NRDE2: variants seen among roughly 807,000 people sequenced by gnomAD.
NRDE2 encodes NRDE-2, necessary for RNA interference, domain containing.
NRDE2 carries 76 observed loss-of-function variants against 124.2 expected under a neutral mutation model. That is an observed-to-expected ratio of 0.61 (90% confidence interval 0.51 to 0.74). NRDE2 has a LOEUF of 0.74. NRDE2 is among the 30% of genes least tolerant of loss of function. NRDE2 has a pLI of 0.00. For missense variants in NRDE2, 1,314 were observed against 1,417.3 expected (o/e 0.93, Z 1.17); for synonymous variants, 489 against 528.1 (o/e 0.93, Z 1.01).
rs371108802 is a variant in NRDE2, at chr14:90,301,471, T to C, written c.1412-99A>G. The C allele has an allele frequency of 5.4e-5, 57 of 1,049,926 alleles. 1 individual carries two copies. The highest frequency in any genetic ancestry group is 4.7e-4 in the East Asian group (18 of 38,532). 65.0% of individuals were successfully genotyped at this position (1,049,926 alleles called of 1,614,324 possible). A position where few individuals can be genotyped will look rare whatever the true frequency, so the allele number is the denominator to read the frequency against. ...AGGCAATTAACACATTGAGAACACCTTTCACCTGCAATCACTATTAATTTA... is the reference window on the plus strand; with the variant it reads ...AGGCAATTAACACATTGAGAACACCCTTCACCTGCAATCACTATTAATTTA... On this transcript the variant is annotated intron_variant, in intron 6 of 13. Transcript: ENST00000354366.
At chr14:90,317,119 A>G (rs1014827348) in intron 2 of NRDE2, among the ~76,000 whole-genome samples, 1 of 152,160 alleles carries the variant, frequency 6.6e-6, no homozygotes, top group Non-Finnish European at 1.5e-5. Flanking sequence ...TTAAGACATT[A>G]TTAAAGGTTG....
chr14:90,291,011 A>G (rs1892259349), intron 9 of NRDE2, among the ~76,000 whole-genome samples: 1 of 152,250 alleles, frequency 6.6e-6, no homozygotes, highest in Non-Finnish European at 1.5e-5. Flanking sequence ...GTAAGATGGA[A>G]GATAAGAACT....
intron 8 of NRDE2, among the ~76,000 whole-genome samples, chr14:90,295,790 T>C (rs577896435): frequency 1.3e-5 from 2 of 152,238 alleles, no homozygotes; most frequent in South Asian, 4.1e-4. Context: ...ATCAAGAAAA[T>C]TTTCAGCCTT....
intron 4 of NRDE2, 90 bp downstream of exon 4, chr14:90,312,304 G>A: frequency 8.0e-7 from 1 of 1,245,448 alleles, no homozygotes; most frequent in Non-Finnish European, 1.1e-6. Flanking sequence ...ATGAAAGAGA[G>A]AAACAGGCAG....
intron 1 of NRDE2, among the ~76,000 whole-genome samples, chr14:90,325,205 T>G (rs1275428360): frequency 6.6e-6 from 1 of 152,200 alleles, no homozygotes; most frequent in Non-Finnish European, 1.5e-5. Context: ...AAAGATAATG[T>G]GTTTAGTTTC....
Position 90,283,245 on chromosome 14 carries a change from T to C in NRDE2, c.3297+3109A>G, listed in dbSNP as rs74595063. ...TGCTCTAATTAGTCCTTAGTTCCAA[T>C]ACTACCTTTCCAAAAAGAGAGAAAT... On this transcript the variant is annotated intron_variant, in intron 12 of 13. Coordinates refer to ENST00000354366, the MANE Select transcript of NRDE2 (RefSeq NM_017970.4). 7.8e-3 allele frequency among the ~76,000 whole-genome samples: 1,188 copies of C among 152,334 alleles called. 24 individuals carry two copies. Among genetic ancestry groups the C allele is most frequent in the African/African-American group, 0.028 (1,149 of 41,568 alleles).
At chr14:90,299,535 A>T (rs950690840) in intron 7 of NRDE2, among the ~76,000 whole-genome samples, 1 of 152,142 alleles carries the variant, frequency 6.6e-6, no homozygotes, top group Admixed American at 6.5e-5. Context: ...CCAATAACCT[A>T]CTCAGTGAAA....
In NRDE2 at chr14:90,286,399, A is replaced by G. The variant is rs779179256; in HGVS notation, c.3252T>C (p.Ser1084=). ...ALFENAMRSD[S]GSQCPLLWRM... is the part of the protein sequence containing the mutation. Reference sequence around the variant, plus strand: ...TCCACAGCAAGGGGCACTGGCTGCCACTGTCGCTGCGCATGGCATTTTCAA... The same window carrying G: ...TCCACAGCAAGGGGCACTGGCTGCCGCTGTCGCTGCGCATGGCATTTTCAA... The change falls in exon 12 of 14, where the codon AGT becomes AGC. Residue 1084 remains serine, a synonymous_variant. Transcript: ENST00000354366. The G allele has an allele frequency of 1.9e-6, 3 of 1,614,088 alleles. No individual in the cohort carries two copies. The East Asian group carries it at 6.7e-5, about 36-fold the overall frequency.
Position 90,290,904 on chromosome 14 carries a change from G to C in NRDE2, c.1843-297C>G, listed in dbSNP as rs139173927. ...AAGCCAGAAGCTTTCAAAGTATCCT[G>C]ATGGATTTGTAGAAAATCTAGAAAC... is the stretch of plus-strand genomic sequence containing the variant. On this transcript the variant is annotated intron_variant, in intron 9 of 13. Transcript: ENST00000354366. Among the ~76,000 whole-genome samples, 34 of 152,324 alleles carry C rather than the reference G, an allele frequency of 2.2e-4. No homozygotes were observed. The East Asian group carries it at 6.2e-3, about 28-fold the overall frequency.
Position 90,278,193 on chromosome 14 carries a change from G to A in NRDE2, c.*143C>T. 1 of 919,574 alleles carries A rather than the reference G, an allele frequency of 1.1e-6. No homozygotes were observed. Among genetic ancestry groups the A allele is most frequent in the Non-Finnish European group, 1.6e-6 (1 of 611,420 alleles). 57.0% of individuals were successfully genotyped at this position (919,574 alleles called of 1,614,324 possible). ...CCAAAAAGTGTGCAAGATGTGAGAGGCTGGCAGCCCACATTATTACTATCG... is the reference window on the plus strand; with the variant it reads ...CCAAAAAGTGTGCAAGATGTGAGAGACTGGCAGCCCACATTATTACTATCG... On this transcript the variant is annotated 3_prime_UTR_variant, in exon 14 of 14. Coordinates refer to ENST00000354366, the MANE Select transcript of NRDE2 (RefSeq NM_017970.4).
intron 9 of NRDE2, 97 bp downstream of exon 9, chr14:90,292,600 C>T: frequency 7.4e-7 from 1 of 1,349,488 alleles, no homozygotes; most frequent in Non-Finnish European, 1.0e-6. Context: ...GCTAAGAGAG[C>T]TCCAGCGGCC....
At chr14:90,310,353 A>T (rs1289541855) in intron 4 of NRDE2, among the ~76,000 whole-genome samples, 1 of 152,194 alleles carries the variant, frequency 6.6e-6, no homozygotes, top group Non-Finnish European at 1.5e-5. Context: ...GATCTTGCGC[A>T]GTTACTTAAC....
Position 90,270,023 on chromosome 14 carries a change from G to A in NRDE2, c.*8313C>T. 1 of 636,074 alleles carries A rather than the reference G, an allele frequency of 1.6e-6. No individual in the cohort carries two copies. Among genetic ancestry groups the A allele is most frequent in the Non-Finnish European group, 2.6e-6 (1 of 384,058 alleles). 39.4% of individuals were successfully genotyped at this position (636,074 alleles called of 1,614,324 possible). A position where few individuals can be genotyped will look rare whatever the true frequency, so the allele number is the denominator to read the frequency against. On this transcript the variant is annotated 3_prime_UTR_variant, in exon 14 of 14. Coordinates refer to ENST00000354366, the MANE Select transcript of NRDE2 (RefSeq NM_017970.4). ...TCTTTTAAATGAAGAGAATTCAAAT[G>A]TAGAAATCTACAAACTACAAAAATA... is the stretch of plus-strand genomic sequence containing the variant.
At chr14:90,282,123 A>G (rs1891969338) in intron 12 of NRDE2, among the ~76,000 whole-genome samples, 1 of 152,230 alleles carries the variant, frequency 6.6e-6, no homozygotes, top group South Asian at 2.1e-4. Context: ...GTGTAGGTAG[A>G]TGACCAAATT....
intron 3 of NRDE2, among the ~76,000 whole-genome samples, chr14:90,314,935 A>C (rs892996614): frequency 6.6e-6 from 1 of 151,804 alleles, no homozygotes; most frequent in African/African-American, 2.4e-5. Flanking sequence ...TTTGGGAGGC[A>C]GAGGCGGGTG....
At position 90,326,846 on chromosome 14, in the gene NRDE2, T is replaced by G. The variant is rs904227043; in HGVS notation, c.64+4995A>C. Among the ~76,000 whole-genome samples, 5 of 152,120 alleles carry G rather than the reference T, an allele frequency of 3.3e-5. No individual in the cohort carries two copies. The East Asian group carries it at 9.6e-4, about 29-fold the overall frequency. Reference sequence around the variant, plus strand: ...TCAAACTCAGTAAATTGACCGCATATCCACTGTGGGCCATGTCCTTAAAAC... The same window carrying G: ...TCAAACTCAGTAAATTGACCGCATAGCCACTGTGGGCCATGTCCTTAAAAC... On this transcript the variant is annotated intron_variant, in intron 1 of 13. Coordinates refer to ENST00000354366, the MANE Select transcript of NRDE2 (RefSeq NM_017970.4).
chr14:90,297,934 C>A (rs1336177057), intron 8 of NRDE2, among the ~76,000 whole-genome samples: 3 of 75,442 alleles, frequency 4.0e-5, no homozygotes, highest in African/African-American at 1.4e-4. Flanking sequence ...GAGCGAGATT[C>A]TGTCTCAAAA....
intron 1 of NRDE2, among the ~76,000 whole-genome samples, chr14:90,326,367 G>T (rs1208492513): frequency 6.6e-6 from 1 of 151,896 alleles, no homozygotes; most frequent in South Asian, 2.1e-4. Context: ...GGTGGCGGGC[G>T]CCTGTAGTCC....
intron 1 of NRDE2, among the ~76,000 whole-genome samples, chr14:90,328,304 C>CAAAAAAAAA (rs60360850): frequency 1.1e-5 from 1 of 88,724 alleles, no homozygotes; most frequent in Non-Finnish European, 2.4e-5. Context: ...ACTCTGTCTC[C>CAAAAAAAAA]AAAAAAAAAA....
Sources: gnomAD v4.1 joint callset for allele counts (sites outside exome capture counted in the v4.1 genomes callset) on GRCh38, gnomAD v4.1.1 for gene constraint, MANE v1.5 for transcripts, NCBI Gene and HGNC (gene_info 2026-07-23, HGNC 2026-07-21) for gene names.